KCNMB2: variants seen among roughly 807,000 people sequenced by gnomAD.
KCNMB2 encodes the protein calcium-activated potassium channel subunit beta-2.
A neutral mutation model predicts 24.5 loss-of-function variants in KCNMB2; 9 were observed. The observed-to-expected ratio is 0.37, with a 90% CI of 0.22 to 0.64. The LOEUF is 0.64. Among genes scored for constraint, KCNMB2 ranks in the 30% least tolerant of loss-of-function variants. KCNMB2 has a pLI of 0.63. For missense variants in KCNMB2, 226 were observed against 284.3 expected, an observed-to-expected ratio of 0.79 and a Z score of 1.47; for synonymous variants, 109 against 104.4, an observed-to-expected ratio of 1.04 and a Z score of -0.27.
Position 178,771,473 on chromosome 3 carries a change from C to CTTT in KCNMB2, c.-67-35846_-67-35844dup, listed in dbSNP as rs66694279. Among the ~76,000 whole-genome samples, 277 of 87,508 alleles carry CTTT rather than the reference C, an allele frequency of 3.2e-3. 3 individuals carry two copies. Among genetic ancestry groups the CTTT allele is most frequent in the Middle Eastern group, 9.1e-3 (1 of 110 alleles). 57.4% of individuals were successfully genotyped at this position (87,508 alleles called of 152,430 possible). On this transcript the variant is annotated intron_variant, in intron 1 of 4. Coordinates refer to ENST00000452583, the MANE Select transcript of KCNMB2 (RefSeq NM_181361.3). Reference sequence around the variant, plus strand: ...TGACTTTCTTTTTCTTTCTTTCTTTCTTTTTTTTTTTTTTTTTTTTTTTTT... The same window carrying CTTT: ...TGACTTTCTTTTTCTTTCTTTCTTTCTTTTTTTTTTTTTTTTTTTTTTTTTTTT...
At chr3:178,735,461 G>A (rs1314909743) in intron 1 of KCNMB2, among the ~76,000 whole-genome samples, 1 of 152,236 alleles carries the variant, frequency 6.6e-6, no homozygotes, top group East Asian at 1.9e-4. Context: ...TAGTATGCGA[G>A]CCAACGCACA....
At chr3:178,543,299 C>G (rs1052227377) in intron 1 of KCNMB2, among the ~76,000 whole-genome samples, 1 of 152,152 alleles carries the variant, frequency 6.6e-6, no homozygotes, top group Non-Finnish European at 1.5e-5. Context: ...GATACCAAAC[C>G]TAATTTTATA....
intron 1 of KCNMB2, among the ~76,000 whole-genome samples, chr3:178,731,768 T>C (rs1723158219): frequency 6.6e-6 from 1 of 152,166 alleles, no homozygotes; most frequent in African/African-American, 2.4e-5. Flanking sequence ...CCTGCCATGG[T>C]GGCACATGCC....
At chr3:178,789,929 A>T (rs1210043185) in intron 1 of KCNMB2, among the ~76,000 whole-genome samples, 1 of 151,984 alleles carries the variant, frequency 6.6e-6, no homozygotes, top group African/African-American at 2.4e-5. Flanking sequence ...ATCCGGGGCA[A>T]CTAAGGGAGT....
chr3:178,688,643 C>G (rs1047962370), intron 1 of KCNMB2, among the ~76,000 whole-genome samples: 2 of 151,814 alleles, frequency 1.3e-5, no homozygotes, highest in South Asian at 2.1e-4. Flanking sequence ...AATGAAAGGA[C>G]AAGCAAACAA....
chr3:178,835,494 T>C (rs1042809056), intron 4 of KCNMB2, among the ~76,000 whole-genome samples: 3 of 151,684 alleles, frequency 2.0e-5, no homozygotes, highest in Non-Finnish European at 3.0e-5. Context: ...TCAAAATATA[T>C]TTGTGAATCC....
intron 2 of KCNMB2, among the ~76,000 whole-genome samples, chr3:178,815,169 C>T (rs1380959501): frequency 6.6e-6 from 1 of 152,040 alleles, no homozygotes; most frequent in Non-Finnish European, 1.5e-5. Flanking sequence ...AAAAGGGTCT[C>T]GCTCTGTCAC....
At chr3:178,554,369 G>A (rs1716054839) in intron 1 of KCNMB2, among the ~76,000 whole-genome samples, 1 of 152,104 alleles carries the variant, frequency 6.6e-6, no homozygotes, top group African/African-American at 2.4e-5. Context: ...GTCAAATCTC[G>A]AAACTACAAT....
intron 2 of KCNMB2, among the ~76,000 whole-genome samples, chr3:178,815,037 T>G (rs542651227): frequency 1.3e-5 from 2 of 152,190 alleles, no homozygotes; most frequent in East Asian, 3.9e-4. Context: ...TCTTTTTTTT[T>G]GTAATGTTTA....
intron 4 of KCNMB2, chr3:178,841,428 A>C (rs1434502052): frequency 6.6e-6 from 1 of 152,250 alleles, no homozygotes; most frequent in Non-Finnish European, 1.5e-5. Context: ...AGTTATCTTT[A>C]TAGCAATTCC....
rs1236895687 is a variant in KCNMB2, at chr3:178,758,523, GATGTAT to G, written c.-67-48817_-67-48812del. On this transcript the variant is annotated intron_variant, in intron 1 of 4. Coordinates refer to ENST00000452583, the MANE Select transcript of KCNMB2 (RefSeq NM_181361.3). ...ATATATATATATATCTCCAAGAGGA[GATGTAT>G]ATATATATATATATATATATATCCA... 1.6e-3 allele frequency among the ~76,000 whole-genome samples: 31 copies of G among 19,596 alleles called. 2 individuals carry two copies. Among genetic ancestry groups the G allele is most frequent in the African/African-American group, 8.5e-3 (30 of 3,550 alleles). 12.9% of individuals were successfully genotyped at this position (19,596 alleles called of 152,430 possible).
chr3:178,716,439 G>A (rs2108354092), intron 1 of KCNMB2, among the ~76,000 whole-genome samples: 1 of 135,300 alleles, frequency 7.4e-6, no homozygotes, highest in African/African-American at 2.9e-5. Flanking sequence ...ACTAAAACCT[G>A]CATTTTTTTT....
At chr3:178,701,319 T>G (rs1409202544) in intron 1 of KCNMB2, among the ~76,000 whole-genome samples, 1 of 152,166 alleles carries the variant, frequency 6.6e-6, no homozygotes, top group African/African-American at 2.4e-5. Flanking sequence ...AGTCTATATC[T>G]CTGTTTTGGT....
intron 1 of KCNMB2, among the ~76,000 whole-genome samples, chr3:178,743,690 G>A (rs1241601227): frequency 6.6e-6 from 1 of 152,162 alleles, no homozygotes; most frequent in Non-Finnish European, 1.5e-5. Context: ...TGCCATGGTG[G>A]GGGGAACCAC....
At position 178,842,797 on chromosome 3, in the gene KCNMB2, C is replaced by T. The variant is rs1344390163; in HGVS notation, c.568C>T (p.Leu190Phe). Residue 190 changes from leucine to phenylalanine, a missense_variant, in exon 5 of 5, where the codon CTC (leucine) becomes TTC (phenylalanine). Coordinates refer to ENST00000452583, the MANE Select transcript of KCNMB2 (RefSeq NM_181361.3). ...GNQKSVILTK[L>F]YSSNVLFHSL... Reference sequence around the variant, plus strand: ...CCAGAAGAGTGTTATCCTAACAAAACTCTACAGTTCCAACGTGCTGTTCCA... The same window carrying T: ...CCAGAAGAGTGTTATCCTAACAAAATTCTACAGTTCCAACGTGCTGTTCCA... 1.2e-6 allele frequency: 2 copies of T among 1,614,004 alleles called. No homozygotes were observed. Among genetic ancestry groups the T allele is most frequent in the African/African-American group, 1.3e-5 (1 of 75,052 alleles).
intron 1 of KCNMB2, among the ~76,000 whole-genome samples, chr3:178,598,875 A>G (rs1027489533): frequency 2.0e-5 from 3 of 152,054 alleles, no homozygotes; most frequent in African/African-American, 7.2e-5. Flanking sequence ...TGCACACTAC[A>G]CTTCGGGAGT....
chr3:178,555,697 C>T (rs968795414), intron 1 of KCNMB2, among the ~76,000 whole-genome samples: 2 of 152,174 alleles, frequency 1.3e-5, no homozygotes, highest in African/African-American at 4.8e-5. Flanking sequence ...TTTTTGTTTA[C>T]TCAGATAGAT....
At chr3:178,739,621 T>TAGAGA (rs1322863212) in intron 1 of KCNMB2, among the ~76,000 whole-genome samples, 4 of 152,168 alleles carry the variant, frequency 2.6e-5, no homozygotes, top group Non-Finnish European at 4.4e-5. Context: ...TTTCTGAAGG[T>TAGAGA]AGAGAAGCTA....
intron 1 of KCNMB2, among the ~76,000 whole-genome samples, chr3:178,579,231 C>A (rs1265724656): frequency 2.0e-5 from 3 of 152,190 alleles, no homozygotes; most frequent in Admixed American, 1.3e-4. Context: ...CAAAACCACA[C>A]AACTACATGG....
Sources: gnomAD v4.1 joint callset for allele counts (sites outside exome capture counted in the v4.1 genomes callset) on GRCh38, gnomAD v4.1.1 for gene constraint, MANE v1.5 for transcripts, NCBI Gene and HGNC (gene_info 2026-07-23, HGNC 2026-07-21) for gene names.